FAM169A: variants seen among roughly 807,000 people sequenced by gnomAD.
FAM169A encodes family with sequence similarity 169 member A.
FAM169A carries 24 observed loss-of-function variants against 75.7 expected under a neutral mutation model. The ratio of observed to expected loss-of-function variants is 0.32; its 90% CI spans 0.23 to 0.45. The LOEUF is 0.45. Ranked by LOEUF, FAM169A falls within the 20% of genes least tolerant of loss-of-function variation. The pLI is 1.00. For synonymous variants in FAM169A, 271 were observed against 271.0 expected, an observed-to-expected ratio of 1.00 and a Z score of 0.00; for missense variants, 673 against 784.0, an observed-to-expected ratio of 0.86 and a Z score of 1.69.
At chr5:74,782,263 A>G (rs1000804378) in intron 12 of FAM169A, among the ~76,000 whole-genome samples, 1 of 152,226 alleles carries the variant, frequency 6.6e-6, no homozygotes, top group African/African-American at 2.4e-5. Flanking sequence ...TAATTATTTC[A>G]TAATTAAGAC....
intron 5 of FAM169A, among the ~76,000 whole-genome samples, chr5:74,820,527 G>A (rs575890331): frequency 3.3e-5 from 5 of 152,006 alleles, no homozygotes; most frequent in South Asian, 4.2e-4. Context: ...CACAGCCCAC[G>A]TACAATCCAT....
intron 2 of FAM169A, among the ~76,000 whole-genome samples, chr5:74,840,691 T>C (rs1748816018): frequency 6.6e-6 from 1 of 151,438 alleles, no homozygotes; most frequent in Non-Finnish European, 1.5e-5. Flanking sequence ...TAGCCGGGCA[T>C]GGTGGTGGGC....
At chr5:74,801,760 C>A in intron 8 of FAM169A, 131 bp from the exon 9 acceptor site, 1 of 688,372 alleles carries the variant, frequency 1.5e-6, no homozygotes, top group Admixed American at 2.6e-5. Context: ...ACAACATTTA[C>A]TTTAAAAATA....
intron 5 of FAM169A, among the ~76,000 whole-genome samples, chr5:74,831,904 A>T (rs1748329613): frequency 6.6e-6 from 1 of 152,132 alleles, no homozygotes; most frequent in Admixed American, 6.6e-5. Flanking sequence ...AATCAGTAAC[A>T]ATACCTTCAA....
chr5:74,818,453 T>C (rs1387061190), intron 5 of FAM169A, among the ~76,000 whole-genome samples: 1 of 152,140 alleles, frequency 6.6e-6, no homozygotes, highest in African/African-American at 2.4e-5. Context: ...GTGATAGCTG[T>C]ATAAATATAT....
chr5:74,809,679 T>C (rs539202293), intron 6 of FAM169A, among the ~76,000 whole-genome samples: 1 of 152,308 alleles, frequency 6.6e-6, no homozygotes, highest in East Asian at 1.9e-4. Flanking sequence ...AACACTTTAC[T>C]TGTTCTACCC....
At chr5:74,866,682 A>T, upstream of FAM169A, 1 of 913,152 alleles carries the variant, frequency 1.1e-6, no homozygotes, top group South Asian at 5.0e-5. Flanking sequence ...CTTGGCTTAG[A>T]TATAAAAATA....
chr5:74,858,603 T>C (rs1270106000), intron 1 of FAM169A, among the ~76,000 whole-genome samples: 2 of 150,910 alleles, frequency 1.3e-5, no homozygotes, highest in Non-Finnish European at 3.0e-5. Flanking sequence ...GTGGGAGGAG[T>C]GTAAGGGTCA....
intron 5 of FAM169A, among the ~76,000 whole-genome samples, chr5:74,820,900 G>T (rs1747735221): frequency 1.3e-5 from 2 of 152,116 alleles, no homozygotes. Context: ...CTATACTCTG[G>T]CCACACTGCT....
At chr5:74,830,718 T>C (rs1240008520) in intron 5 of FAM169A, among the ~76,000 whole-genome samples, 2 of 152,200 alleles carry the variant, frequency 1.3e-5, no homozygotes, top group Non-Finnish European at 2.9e-5. Flanking sequence ...TTTTACAGTC[T>C]GTATTTAAGG....
intron 8 of FAM169A, 58 bp from the exon 9 acceptor site, chr5:74,801,687 C>G: frequency 7.9e-7 from 1 of 1,259,210 alleles, no homozygotes; most frequent in Non-Finnish European, 1.1e-6. Flanking sequence ...CCCTATGGAT[C>G]TATTTCACTT....
chr5:74,866,184 C>T lies in FAM169A; in HGVS notation c.-23G>A. ...ACTCACCTCAGACGCGCCCCGGGAG[C>T]CGCTGGAAGAGCCCGGGAAAGGAGG... On this transcript the variant is annotated 5_prime_UTR_variant, in exon 1 of 13. Transcript: ENST00000687041. The T allele has an allele frequency of 5.1e-6, 5 of 984,254 alleles. No homozygotes were observed. Among genetic ancestry groups the T allele is most frequent in the Non-Finnish European group, 6.0e-6 (5 of 829,514 alleles). 61.0% of individuals were successfully genotyped at this position (984,254 alleles called of 1,614,324 possible).
At chr5:74,821,682 T>G (rs1395512023) in intron 5 of FAM169A, among the ~76,000 whole-genome samples, 1 of 152,248 alleles carries the variant, frequency 6.6e-6, no homozygotes, top group East Asian at 1.9e-4. Flanking sequence ...AAAGTTCCTT[T>G]TTTGTTCAAA....
chr5:74,818,787 CTCTCTCTCTCTCTCTCTATA>C (rs1747609939), intron 5 of FAM169A, among the ~76,000 whole-genome samples: 1 of 137,254 alleles, frequency 7.3e-6, no homozygotes, highest in African/African-American at 2.9e-5. Flanking sequence ...CTCTCTCTCT[CTCTCTCTCTCTCTCTCTATA>C]TATATATATA....
At chr5:74,808,198 T>C (rs1311996546) in intron 6 of FAM169A, among the ~76,000 whole-genome samples, 1 of 152,164 alleles carries the variant, frequency 6.6e-6, no homozygotes, top group Non-Finnish European at 1.5e-5. Flanking sequence ...TTATTCACAA[T>C]AGCCAAAAGG....
At chr5:74,834,390 C>A in intron 5 of FAM169A, 36 bp downstream of exon 5, 1 of 1,318,330 alleles carries the variant, frequency 7.6e-7, no homozygotes, top group Non-Finnish European at 1.0e-6. Flanking sequence ...TAGAGATTTC[C>A]ATAATACACA....
At chr5:74,793,421 G>A (rs1487390337) in intron 11 of FAM169A, among the ~76,000 whole-genome samples, 3 of 152,054 alleles carry the variant, frequency 2.0e-5, no homozygotes, top group Non-Finnish European at 4.4e-5. Context: ...CCTGCATGGA[G>A]TTGGAGACCA....
At chr5:74,865,810 G>C (rs1320607167) in intron 1 of FAM169A, 2 of 152,502 alleles carry the variant, frequency 1.3e-5, no homozygotes, top group Non-Finnish European at 2.9e-5. Flanking sequence ...TCCAGGTGGG[G>C]AGAGGGCGAG....
intron 6 of FAM169A, among the ~76,000 whole-genome samples, chr5:74,813,580 C>A (rs1561303028): frequency 2.0e-5 from 3 of 152,132 alleles, no homozygotes; most frequent in South Asian, 4.2e-4. Flanking sequence ...CCTGCCTCAG[C>A]CTCCCAAAGT....
Sources: gnomAD v4.1 joint callset for allele counts (sites outside exome capture counted in the v4.1 genomes callset) on GRCh38, gnomAD v4.1.1 for gene constraint, MANE v1.5 for transcripts, NCBI Gene and HGNC (gene_info 2026-07-23, HGNC 2026-07-21) for gene names.